The following SDHA variants were observed in gnomAD, a reference collection of about 807,000 sequenced individuals.
SDHA encodes succinate dehydrogenase [ubiquinone] flavoprotein subunit, mitochondrial.
Under a neutral mutation model 78.4 loss-of-function variants are expected in SDHA, and 48 were observed. The observed-to-expected ratio is 0.61, with a 90% CI of 0.49 to 0.78. SDHA has a LOEUF of 0.78. Ranked by LOEUF, SDHA falls within the 30% of genes least tolerant of loss-of-function variation. The probability of loss-of-function intolerance (pLI) is 0.00; values close to 1 mark genes in which losing one functional copy is unlikely to be tolerated. For missense variants in SDHA, 680 were observed against 892.7 expected (o/e 0.76, Z 3.04); for synonymous variants, 326 against 353.9 (o/e 0.92, Z 0.88).
chr5:254,566 C>A (rs1479786257), intron 14 of SDHA, 60 bp downstream of exon 14: 1 of 1,492,246 alleles, frequency 6.7e-7, no homozygotes, highest in African/African-American at 1.6e-5. Context: ...CCCAGGCCTG[C>A]GGGCTGGCCT....
chr5:222,354 T>TC (rs1246090458), intron 1 of SDHA, among the ~76,000 whole-genome samples: 11 of 150,776 alleles, frequency 7.3e-5, no homozygotes, highest in African/African-American at 1.7e-4. Context: ...TCTTTTCTTT[T>TC]TTTTTTTTTT....
the SDHA span, among the ~76,000 whole-genome samples, chr5:266,371 A>G: frequency 1.3e-5 from 2 of 152,314 alleles, no homozygotes; most frequent in South Asian, 2.1e-4. Context: ...TTTCCAAGAA[A>G]TAACTGACAG....
At chr5:232,244 T>G (rs1220710645) in intron 7 of SDHA, among the ~76,000 whole-genome samples, 5 of 152,150 alleles carry the variant, frequency 3.3e-5, no homozygotes, top group African/African-American at 1.2e-4. Flanking sequence ...GGGGTCTTGC[T>G]CTGTTGCTCA....
intron 11 of SDHA, chr5:249,174 C>T (rs1266857250): frequency 2.8e-6 from 1 of 362,130 alleles, no homozygotes; most frequent in Non-Finnish European, 5.2e-6. Flanking sequence ...GATAAAAACA[C>T]TTGGAAGCTC....
At chr5:251,656 C>A (rs748462745) in intron 13 of SDHA, 188 bp downstream of exon 13, 2 of 1,524,170 alleles carry the variant, frequency 1.3e-6, no homozygotes, top group African/African-American at 2.8e-5. Flanking sequence ...GTGACCTTTT[C>A]CTTGCTTTGG....
At chr5:262,996 G>T in the SDHA span, among the ~76,000 whole-genome samples, 1 of 152,252 alleles carries the variant, frequency 6.6e-6, no homozygotes, top group East Asian at 1.9e-4. Context: ...CTGGAGTGCA[G>T]TGCTGTGATC....
intron 1 of SDHA, chr5:220,353 T>A: frequency 2.3e-6 from 1 of 436,924 alleles, no homozygotes; most frequent in Admixed American, 2.7e-5. Flanking sequence ...GTTTTTCAAA[T>A]CCCTTAACAT....
chr5:252,485 A>G (rs113633535), intron 13 of SDHA, among the ~76,000 whole-genome samples: 1 of 117,464 alleles, frequency 8.5e-6, no homozygotes, highest in Non-Finnish European at 1.6e-5. Context: ...CACCATTTCA[A>G]ACCTGCCCTG....
chr5:243,426 C>T lies in SDHA; in HGVS notation c.1551+2950C>T, dbSNP rs577273558. On this transcript the variant is annotated intron_variant, in intron 11 of 14. Transcript: ENST00000264932. ...TAGCTTCCATTCAGCCTACTTGCAG[C>T]GCCCAGGCCCAACCTCAAATTAATA... Among the ~76,000 whole-genome samples the T allele has an allele frequency of 2.6e-5, 4 of 152,232 alleles. No individual in the cohort carries two copies. In the South Asian group the frequency reaches 8.3e-4, roughly 32 times the overall value.
At chr5:239,798 C>A (rs1736029738) in intron 10 of SDHA, among the ~76,000 whole-genome samples, 2 of 148,660 alleles carry the variant, frequency 1.3e-5, no homozygotes, top group Non-Finnish European at 3.0e-5. Flanking sequence ...AAGACAGGGT[C>A]TCGCTCTGTT....
intron 10 of SDHA, among the ~76,000 whole-genome samples, chr5:239,773 A>ATTT (rs113918084): frequency 0.012 from 1,667 of 144,252 alleles, 33 homozygotes; most frequent in African/African-American, 0.04. Flanking sequence ...TATACATTTA[A>ATTT]TTTTTTTTTT....
At chr5:267,728 G>A in the SDHA span, among the ~76,000 whole-genome samples, 1 of 152,240 alleles carries the variant, frequency 6.6e-6, no homozygotes, top group African/African-American at 2.4e-5. Context: ...GGAGGAAAGT[G>A]TTATCTTTCA....
At chr5:240,732 T>C (rs1736085875) in intron 11 of SDHA, among the ~76,000 whole-genome samples, 1 of 152,034 alleles carries the variant, frequency 6.6e-6, no homozygotes, top group Admixed American at 6.6e-5. Flanking sequence ...CATGTGTCCA[T>C]GTGTACTCAC....
chr5:241,431 G>A (rs1400580011), intron 11 of SDHA, among the ~76,000 whole-genome samples: 3 of 152,198 alleles, frequency 2.0e-5, no homozygotes, highest in East Asian at 1.9e-4. Context: ...AAATATACTC[G>A]GAAGAGAGGG....
intron 10 of SDHA, among the ~76,000 whole-genome samples, chr5:238,474 C>T (rs910997023): frequency 6.6e-6 from 1 of 151,170 alleles, no homozygotes; most frequent in African/African-American, 2.4e-5. Flanking sequence ...GATAGTCTCC[C>T]TCTGTCGCCC....
chr5:262,525 C>A, the SDHA span, among the ~76,000 whole-genome samples: 1 of 145,956 alleles, frequency 6.9e-6, no homozygotes, highest in Non-Finnish European at 1.5e-5. Flanking sequence ...CTAGGTTATG[C>A]GCCGCTTATG....
At chr5:227,421 T>G (rs1307450193) in intron 5 of SDHA, among the ~76,000 whole-genome samples, 1 of 152,254 alleles carries the variant, frequency 6.6e-6, no homozygotes, top group Non-Finnish European at 1.5e-5. Context: ...TGAACGGTAT[T>G]GATTCAGAGT....
chr5:257,039 CCTT>C lies in SDHA; in HGVS notation c.*620_*622del, dbSNP rs1050700209. Among the ~76,000 whole-genome samples the C allele has an allele frequency of 4.9e-5, 7 of 142,372 alleles. No individual in the cohort carries two copies. The highest frequency in any genetic ancestry group is 3.9e-4 in the East Asian group (2 of 5,106). The allele number at this position is 142,372 out of a possible 152,430, so 93.4% of individuals were successfully genotyped here. ...AGGCTGGTCTCAAGTGATCCTCCCT[CCTT>C]GGCCTCCCAAGGTGCTGGAATTATA... On this transcript the variant is annotated 3_prime_UTR_variant, in exon 15 of 15. Coordinates refer to ENST00000264932, the MANE Select transcript of SDHA (RefSeq NM_004168.4).
chr5:253,192 G>A (rs1186053229), intron 13 of SDHA: 1 of 152,248 alleles, frequency 6.6e-6, no homozygotes, highest in Non-Finnish European at 1.5e-5. Flanking sequence ...CCACAAGGCA[G>A]GCGCACAGGC....
Sources: gnomAD v4.1 joint callset for allele counts (sites outside exome capture counted in the v4.1 genomes callset) on GRCh38, gnomAD v4.1.1 for gene constraint, MANE v1.5 for transcripts, NCBI Gene and HGNC (gene_info 2026-07-23, HGNC 2026-07-21) for gene names.